The following TBX20 variants were observed in gnomAD, a reference collection of about 807,000 sequenced individuals.
The protein encoded by TBX20 is T-box transcription factor 20.
A neutral mutation model predicts 42.9 loss-of-function variants in TBX20; 8 were observed. That is an observed-to-expected ratio of 0.19 (90% CI 0.11 to 0.34). TBX20 has a LOEUF of 0.34. TBX20 is among the 10% of genes least tolerant of loss of function. TBX20 has a pLI of 1.00. For missense variants in TBX20, 411 were observed against 566.0 expected, an observed-to-expected ratio of 0.73 and a Z score of 2.78; for synonymous variants, 198 against 222.8, an observed-to-expected ratio of 0.89 and a Z score of 0.99.
chr7:35,209,152 A>C (rs867295484), intron 6 of TBX20, among the ~76,000 whole-genome samples: 2 of 152,112 alleles, frequency 1.3e-5, no homozygotes, highest in South Asian at 4.2e-4. Context: ...ATTCATGAAG[A>C]ATATTGGTCT....
At chr7:35,228,376 A>T (rs991506781) in intron 6 of TBX20, among the ~76,000 whole-genome samples, 1 of 152,098 alleles carries the variant, frequency 6.6e-6, no homozygotes, top group Non-Finnish European at 1.5e-5. Context: ...ACTTTAAAGG[A>T]AGTAAATGTT....
chr7:35,231,148 A>G (rs749148203), intron 6 of TBX20, among the ~76,000 whole-genome samples: 6 of 152,180 alleles, frequency 3.9e-5, no homozygotes, highest in Non-Finnish European at 7.4e-5. Context: ...TCTACTTGGG[A>G]AGGTAAAAGG....
intron 6 of TBX20, among the ~76,000 whole-genome samples, chr7:35,216,856 ATGT>A (rs1004478018): frequency 2.6e-5 from 4 of 152,130 alleles, no homozygotes; most frequent in Non-Finnish European, 4.4e-5. Flanking sequence ...AAAATATATA[ATGT>A]TGTTTTTGCT....
At chr7:35,203,510 T>C (rs1168983970) in intron 7 of TBX20, among the ~76,000 whole-genome samples, 2 of 152,176 alleles carry the variant, frequency 1.3e-5, no homozygotes, top group African/African-American at 4.8e-5. Context: ...ATAGTAAATA[T>C]ATTTCCTTTC....
At chr7:35,244,892 G>C in intron 4 of TBX20, 57 bp downstream of exon 4, 1 of 1,256,528 alleles carries the variant, frequency 8.0e-7, no homozygotes, top group Admixed American at 1.7e-5. Context: ...AGACAGTTTT[G>C]TGCGACCTGT....
chr7:35,236,598 C>T (rs1239083391), intron 5 of TBX20, among the ~76,000 whole-genome samples: 6 of 152,068 alleles, frequency 3.9e-5, no homozygotes, highest in African/African-American at 1.4e-4. Context: ...TGAGCACCTA[C>T]AAGAGGAATT....
intron 6 of TBX20, among the ~76,000 whole-genome samples, chr7:35,224,017 G>A (rs1045328522): frequency 6.6e-5 from 10 of 152,128 alleles, no homozygotes; most frequent in Admixed American, 3.3e-4. Context: ...GATTAAAGTA[G>A]AACTTGAGAC....
chr7:35,235,827 G>A (rs1562564106), intron 5 of TBX20, among the ~76,000 whole-genome samples: 1 of 152,086 alleles, frequency 6.6e-6, no homozygotes, highest in Non-Finnish European at 1.5e-5. Context: ...TGGTTATTCT[G>A]TATAATATCA....
intron 6 of TBX20, among the ~76,000 whole-genome samples, chr7:35,228,019 TA>T (rs1279378650): frequency 2.0e-5 from 3 of 152,156 alleles, no homozygotes; most frequent in African/African-American, 7.2e-5. Flanking sequence ...TTATGAATTT[TA>T]TTAAACCATT....
Position 35,241,045 on chromosome 7 carries a change from A to G in TBX20, c.655-8T>C, listed in dbSNP as rs1336078534. On this transcript the variant is annotated splice_region_variant and splice_polypyrimidine_tract_variant and intron_variant, in intron 4 of 7. Coordinates refer to ENST00000408931, the MANE Select transcript of TBX20 (RefSeq NM_001077653.2). ...CATTGAGTTCAAAATTATCTACAACAAAAAGATGGGAAGTACTGAATTTTA... is the reference window on the plus strand; with the variant it reads ...CATTGAGTTCAAAATTATCTACAACGAAAAGATGGGAAGTACTGAATTTTA... 4 of 1,613,520 alleles carry G rather than the reference A, an allele frequency of 2.5e-6. No homozygotes were observed. In the African/African-American group the frequency reaches 4.0e-5, roughly 16 times the overall value.
intron 6 of TBX20, among the ~76,000 whole-genome samples, chr7:35,217,932 C>G (rs1789618162): frequency 1.3e-5 from 2 of 152,130 alleles, no homozygotes; most frequent in African/African-American, 4.8e-5. Flanking sequence ...GTTGGTCAGG[C>G]TGGTCTCAAA....
intron 5 of TBX20, among the ~76,000 whole-genome samples, chr7:35,235,293 A>G (rs1317575570): frequency 1.8e-3 from 151 of 83,856 alleles, no homozygotes; most frequent in Middle Eastern, 0.016. Flanking sequence ...GGATAACTGA[A>G]AAAAAAAAAA....
At chr7:35,217,020 A>G (rs956587809) in intron 6 of TBX20, among the ~76,000 whole-genome samples, 1 of 152,162 alleles carries the variant, frequency 6.6e-6, no homozygotes, top group African/African-American at 2.4e-5. Context: ...TATTTAATAA[A>G]TGAAAACTTT....
intron 5 of TBX20, among the ~76,000 whole-genome samples, chr7:35,240,152 G>A (rs2532181): frequency 2.0e-5 from 3 of 152,118 alleles, no homozygotes; most frequent in Non-Finnish European, 2.9e-5. Context: ...TTTGGATCTC[G>A]GATTTTCTCA....
At chr7:35,218,839 G>A (rs889834817) in intron 6 of TBX20, among the ~76,000 whole-genome samples, 11 of 152,136 alleles carry the variant, frequency 7.2e-5, no homozygotes, top group Non-Finnish European at 1.2e-4. Flanking sequence ...TGACTAGGAT[G>A]AGAGGGTGGA....
intron 6 of TBX20, among the ~76,000 whole-genome samples, chr7:35,223,065 C>T (rs1168905607): frequency 6.6e-6 from 1 of 152,116 alleles, no homozygotes. Flanking sequence ...GCAGTGAAGA[C>T]AGTAAGTAGT....
chr7:35,244,282 G>A (rs1227855301), intron 4 of TBX20, among the ~76,000 whole-genome samples: 1 of 152,110 alleles, frequency 6.6e-6, no homozygotes, highest in East Asian at 1.9e-4. Context: ...TTGACTATTT[G>A]TTCTATTAAA....
intron 7 of TBX20, 105 bp downstream of exon 7, chr7:35,204,365 G>A (rs1045824494): frequency 6.9e-5 from 53 of 764,880 alleles, no homozygotes; most frequent in Middle Eastern, 2.6e-4. Context: ...ATCCTTTCCC[G>A]GCATCGTGTA....
At chr7:35,238,633 C>T (rs1193427919) in intron 5 of TBX20, among the ~76,000 whole-genome samples, 2 of 152,198 alleles carry the variant, frequency 1.3e-5, no homozygotes, top group East Asian at 1.9e-4. Flanking sequence ...TTGCATTCCA[C>T]GTGCCCTCAA....
Sources: allele counts gnomAD v4.1 joint callset (sites outside exome capture counted in the v4.1 genomes callset), GRCh38; gene constraint gnomAD v4.1.1; transcripts MANE v1.5; gene names NCBI Gene and HGNC (gene_info 2026-07-23, HGNC 2026-07-21).